Variants in CNTN6 observed in about 807,000 individuals in gnomAD.
CNTN6 encodes contactin-6.
In CNTN6, 137 loss-of-function variants were observed where a neutral mutation model predicts 122.8. That is an observed-to-expected ratio of 1.12 (90% CI 0.97 to 1.29). The LOEUF is 1.29. CNTN6 is among the 50% of genes most tolerant of loss of function. The pLI is 0.00. For synonymous variants in CNTN6, 570 were observed against 426.0 expected (o/e 1.34, Z -4.16); for missense variants, 1,634 against 1,223.4 (o/e 1.34, Z -5.01).
intron 1 of CNTN6, among the ~76,000 whole-genome samples, chr3:1,104,554 T>C (rs1262489429): frequency 6.6e-6 from 1 of 152,160 alleles, no homozygotes. Flanking sequence ...AATTATTGAA[T>C]AACCTTGGTA....
chr3:1,378,066 C>G (rs546876814), intron 17 of CNTN6, among the ~76,000 whole-genome samples: 2 of 152,234 alleles, frequency 1.3e-5, no homozygotes, highest in East Asian at 3.9e-4. Context: ...CATTTCCAGA[C>G]TCTTCCAGTG....
At chr3:1,202,115 C>G (rs939300069) in intron 2 of CNTN6, among the ~76,000 whole-genome samples, 1 of 152,154 alleles carries the variant, frequency 6.6e-6, no homozygotes, top group African/African-American at 2.4e-5. Context: ...GTTCATGTCG[C>G]TGGGGAGTGT....
At chr3:1,157,982 A>G (rs984342268) in intron 2 of CNTN6, among the ~76,000 whole-genome samples, 2 of 152,182 alleles carry the variant, frequency 1.3e-5, no homozygotes, top group African/African-American at 4.8e-5. Flanking sequence ...TCTTCGATAT[A>G]TTGATTTCCT....
chr3:1,365,139 A>C (rs1708030742), intron 12 of CNTN6, among the ~76,000 whole-genome samples: 1 of 152,016 alleles, frequency 6.6e-6, no homozygotes, highest in Non-Finnish European at 1.5e-5. Context: ...ATAGTATAAG[A>C]AACTCTCATG....
At chr3:1,188,680 G>T (rs1261828148) in intron 2 of CNTN6, among the ~76,000 whole-genome samples, 1 of 152,072 alleles carries the variant, frequency 6.6e-6, no homozygotes. Context: ...TATTGCCAAG[G>T]ACAAAGATAA....
chr3:1,387,300 T>A (rs1220831994), intron 20 of CNTN6, among the ~76,000 whole-genome samples: 1 of 152,202 alleles, frequency 6.6e-6, no homozygotes, highest in East Asian at 1.9e-4. Context: ...GGCTGTGAGT[T>A]ATTTTCAAGA....
chr3:1,220,935 A>G, intron 3 of CNTN6, 122 bp downstream of exon 3: 1 of 1,032,558 alleles, frequency 9.7e-7, no homozygotes, highest in Non-Finnish European at 1.3e-6. Flanking sequence ...GAATTTCTCT[A>G]CGGGTATGCA....
At position 1,102,050 on chromosome 3, in the gene CNTN6, G is replaced by A. The variant is rs531215390; in HGVS notation, c.-83+8930G>A. Among the ~76,000 whole-genome samples, 3 of 152,296 alleles carry A rather than the reference G, an allele frequency of 2.0e-5. No individual in the cohort carries two copies. In the South Asian group the frequency reaches 6.2e-4, roughly 32 times the overall value. On this transcript the variant is annotated intron_variant, in intron 1 of 22. Coordinates refer to ENST00000446702, the MANE Select transcript of CNTN6 (RefSeq NM_001289080.2). ...TTTTAAAAGTCTTCTTTTAAGGCGGGAAGGAGAGATCAAATAAGATATTTG... is the reference window on the plus strand; with the variant it reads ...TTTTAAAAGTCTTCTTTTAAGGCGGAAAGGAGAGATCAAATAAGATATTTG...
rs1266203371 is a variant in CNTN6, at chr3:1,264,226, T to A, written c.359-14187T>A. 2.0e-5 allele frequency among the ~76,000 whole-genome samples: 3 copies of A among 152,144 alleles called. No homozygotes were observed. The East Asian group carries it at 5.8e-4, about 29-fold the overall frequency. ...ACTGTGGGCCAGCACTTACTGGTACTGCAAAGGTAAACCTGTACACATTTT... is the reference window on the plus strand; with the variant it reads ...ACTGTGGGCCAGCACTTACTGGTACAGCAAAGGTAAACCTGTACACATTTT... On this transcript the variant is annotated intron_variant, in intron 4 of 22. Coordinates refer to ENST00000446702, the MANE Select transcript of CNTN6 (RefSeq NM_001289080.2).
rs552300322 is a variant in CNTN6 at position 1,294,452 on chromosome 3, G to A, written c.455-1149G>A. On this transcript the variant is annotated intron_variant, in intron 5 of 22. Transcript: ENST00000446702. ...TGCAGCAGTAGAAAAAAACAGGGGA[G>A]GATTTCTGAAGACCTGGAAATCTTC... 6.6e-5 allele frequency among the ~76,000 whole-genome samples: 10 copies of A among 152,196 alleles called. No homozygotes were observed. The East Asian group carries it at 1.9e-3, about 29-fold the overall frequency.
chr3:1,292,002 A>C (rs1695408503), intron 5 of CNTN6, among the ~76,000 whole-genome samples: 1 of 152,158 alleles, frequency 6.6e-6, no homozygotes, highest in Non-Finnish European at 1.5e-5. Flanking sequence ...GTAGAAGCTT[A>C]GGTTTAACCC....
chr3:1,099,196 A>C (rs542645071), intron 1 of CNTN6, among the ~76,000 whole-genome samples: 34 of 152,300 alleles, frequency 2.2e-4, no homozygotes, highest in South Asian at 1.7e-3. Flanking sequence ...TCACGCCTGT[A>C]ATCCCAGCAC....
At position 1,385,495 on chromosome 3, in the gene CNTN6, C is replaced by T. The variant is rs73817016; in HGVS notation, c.2518-116C>T. On this transcript the variant is annotated intron_variant, in intron 19 of 22. Transcript: ENST00000446702. ...TTTAATTAGAAAACGTTTTTGTCAT[C>T]TATACTTCTGTCTTCTTCCCATATT... The T allele has an allele frequency of 1.4e-3, 986 of 698,352 alleles. 6 individuals are homozygous for T. In the African/African-American group the frequency reaches 0.015, roughly 11 times the overall value. The allele number at this position is 698,352 out of a possible 1,614,324, so 43.3% of individuals were successfully genotyped here.
intron 5 of CNTN6, among the ~76,000 whole-genome samples, chr3:1,287,638 T>C (rs1244475451): frequency 6.6e-6 from 1 of 151,938 alleles, no homozygotes; most frequent in African/African-American, 2.4e-5. Context: ...CAAAATAAGA[T>C]GTGGTAAAGA....
intron 1 of CNTN6, among the ~76,000 whole-genome samples, chr3:1,137,276 C>G (rs1024094465): frequency 3.9e-5 from 6 of 152,174 alleles, no homozygotes; most frequent in African/African-American, 1.4e-4. Context: ...GCCAGTCACT[C>G]CGGATATTTG....
chr3:1,327,765 A>G (rs1421161102), intron 10 of CNTN6, among the ~76,000 whole-genome samples, 179 bp downstream of exon 10: 6 of 151,812 alleles, frequency 4.0e-5, no homozygotes, highest in African/African-American at 1.2e-4. Context: ...TGCTTGGGCA[A>G]TGCACTGGGG....
At chr3:1,287,285 A>G (rs943689151) in intron 5 of CNTN6, among the ~76,000 whole-genome samples, 3 of 152,182 alleles carry the variant, frequency 2.0e-5, no homozygotes, top group Non-Finnish European at 2.9e-5. Context: ...GATGTTTAGT[A>G]ATATCCCTGG....
chr3:1,332,011 A>T (rs1024380967), intron 11 of CNTN6, among the ~76,000 whole-genome samples: 1 of 151,922 alleles, frequency 6.6e-6, no homozygotes, highest in Non-Finnish European at 1.5e-5. Flanking sequence ...TCTCTCTGTG[A>T]TTAAGGGAAT....
At chr3:1,204,184 A>C (rs1238923504) in intron 2 of CNTN6, among the ~76,000 whole-genome samples, 2 of 152,236 alleles carry the variant, frequency 1.3e-5, no homozygotes, top group African/African-American at 2.4e-5. Context: ...ATGACATTTC[A>C]GAGAGACACA....
Sources: allele counts gnomAD v4.1 joint callset (sites outside exome capture counted in the v4.1 genomes callset), GRCh38; gene constraint gnomAD v4.1.1; transcripts MANE v1.5; gene names NCBI Gene and HGNC (gene_info 2026-07-23, HGNC 2026-07-21).